Variants in NCALD observed in about 807,000 individuals in gnomAD.
NCALD encodes the protein neurocalcin delta, also known as neurocalcin-delta.
NCALD carries 10 observed loss-of-function variants against 18.6 expected under a neutral mutation model. The observed-to-expected ratio is 0.54, with a 90% CI of 0.33 to 0.91. NCALD has a LOEUF of 0.91. Ranked by LOEUF, NCALD falls within the 40% of genes least tolerant of loss-of-function variation. The pLI, the probability that NCALD is intolerant of heterozygous loss-of-function variation, is 0.03. For missense variants in NCALD, 184 were observed against 247.6 expected (o/e 0.74, Z 1.72); for synonymous variants, 88 against 87.4 (o/e 1.01, Z -0.04).
At chr8:101,959,826 T>C (rs945063233) in intron 2 of NCALD, among the ~76,000 whole-genome samples, 1 of 152,152 alleles carries the variant, frequency 6.6e-6, no homozygotes, top group Non-Finnish European at 1.5e-5. Context: ...CTAGGTGTGC[T>C]CATAGCGATG....
intron 1 of NCALD, among the ~76,000 whole-genome samples, chr8:101,772,797 GACA>G (rs112361156): frequency 3.3e-5 from 5 of 152,198 alleles, no homozygotes; most frequent in African/African-American, 9.6e-5. Flanking sequence ...TTGCTTCTGG[GACA>G]ACATTTGGTT....
intron 4 of NCALD, among the ~76,000 whole-genome samples, chr8:101,865,501 C>T (rs558049300): frequency 6.6e-6 from 1 of 152,188 alleles, no homozygotes; most frequent in Admixed American, 6.5e-5. Flanking sequence ...GTGTCAACTG[C>T]CTGCAGGAAA....
At chr8:102,086,890 T>C (rs1175182330) in intron 1 of NCALD, among the ~76,000 whole-genome samples, 1 of 152,164 alleles carries the variant, frequency 6.6e-6, no homozygotes, top group Non-Finnish European at 1.5e-5. Context: ...CAAACCAAGA[T>C]GGCAATGAGA....
At chr8:102,018,592 G>A (rs546456925) in intron 2 of NCALD, among the ~76,000 whole-genome samples, 1 of 152,304 alleles carries the variant, frequency 6.6e-6, no homozygotes, top group African/African-American at 2.4e-5. Context: ...GAGGTAGAGG[G>A]AGTAGATTTA....
intron 4 of NCALD, among the ~76,000 whole-genome samples, chr8:101,832,114 T>C (rs144768571): frequency 3.2e-4 from 49 of 152,314 alleles, no homozygotes; most frequent in Non-Finnish European, 6.3e-4. Flanking sequence ...GTGCTTCCTA[T>C]ATACCAGGCT....
chr8:102,006,438 C>T (rs1277797567), intron 2 of NCALD, among the ~76,000 whole-genome samples: 1 of 152,134 alleles, frequency 6.6e-6, no homozygotes, highest in Non-Finnish European at 1.5e-5. Context: ...TACTTTAAAA[C>T]AAATTCTGGT....
intron 1 of NCALD, among the ~76,000 whole-genome samples, chr8:102,044,947 CA>C (rs1823187264): frequency 6.6e-6 from 1 of 152,114 alleles, no homozygotes; most frequent in Non-Finnish European, 1.5e-5. Context: ...GGGAAGTGCA[CA>C]GTAGGTGCAT....
At chr8:102,072,998 T>C (rs920635104) in intron 1 of NCALD, among the ~76,000 whole-genome samples, 2 of 152,246 alleles carry the variant, frequency 1.3e-5, no homozygotes, top group Non-Finnish European at 2.9e-5. Context: ...CCTAGGAATG[T>C]ATCATGTACA....
At chr8:102,109,255 A>G (rs2132444577) in intron 1 of NCALD, among the ~76,000 whole-genome samples, 1 of 152,284 alleles carries the variant, frequency 6.6e-6, no homozygotes, top group African/African-American at 2.4e-5. Flanking sequence ...ATAGCTGAAA[A>G]AAATGTACAC....
At chr8:101,848,403 A>G (rs61534404) in intron 4 of NCALD, among the ~76,000 whole-genome samples, 7,746 of 152,230 alleles carry the variant, frequency 0.051, 477 homozygotes, top group African/African-American at 0.15. Flanking sequence ...GAGATTTAGG[A>G]GATCTAAGTT....
chr8:101,773,507 G>A (rs550499987), intron 1 of NCALD, among the ~76,000 whole-genome samples: 3 of 152,312 alleles, frequency 2.0e-5, no homozygotes, highest in Non-Finnish European at 4.4e-5. Context: ...GGGTGAAACT[G>A]TGGGGTCAGA....
intron 2 of NCALD, among the ~76,000 whole-genome samples, chr8:101,715,388 C>T (rs1488123259): frequency 6.6e-6 from 1 of 152,040 alleles, no homozygotes; most frequent in Non-Finnish European, 1.5e-5. Context: ...AGAAGAAAAC[C>T]TAGGCAATAC....
At chr8:102,050,642 AG>A (rs1823410644) in intron 1 of NCALD, among the ~76,000 whole-genome samples, 1 of 148,120 alleles carries the variant, frequency 6.8e-6, no homozygotes, top group African/African-American at 2.5e-5. Flanking sequence ...TACTTTATAT[AG>A]CATACATTAT....
At chr8:101,762,474 A>G (rs948903994) in intron 1 of NCALD, among the ~76,000 whole-genome samples, 1 of 152,208 alleles carries the variant, frequency 6.6e-6, no homozygotes, top group East Asian at 1.9e-4. Context: ...ATTTCAAAAC[A>G]AGGAGATTTT....
intron 4 of NCALD, among the ~76,000 whole-genome samples, chr8:101,840,841 A>G (rs187056611): frequency 1.3e-5 from 2 of 152,364 alleles, no homozygotes; most frequent in Admixed American, 1.3e-4. Context: ...AAACATCAAG[A>G]TAAGTGAATA....
At chr8:101,925,909 G>A (rs1157792723) in intron 2 of NCALD, among the ~76,000 whole-genome samples, 3 of 152,294 alleles carry the variant, frequency 2.0e-5, no homozygotes, top group Middle Eastern at 3.4e-3. Context: ...TGATAAGTAA[G>A]AAGCTGAAAA....
chr8:101,881,116 G>A (rs1220040651), intron 4 of NCALD, among the ~76,000 whole-genome samples: 1 of 151,848 alleles, frequency 6.6e-6, no homozygotes, highest in Non-Finnish European at 1.5e-5. Flanking sequence ...CAGTAAAAAG[G>A]AATTTCACTT....
intron 4 of NCALD, among the ~76,000 whole-genome samples, chr8:101,858,074 T>C (rs1815391108): frequency 6.6e-6 from 1 of 152,132 alleles, no homozygotes. Flanking sequence ...TATACAAACT[T>C]CATGTTAAAA....
intron 2 of NCALD, among the ~76,000 whole-genome samples, chr8:101,703,945 G>A (rs1313410081): frequency 2.0e-5 from 3 of 152,132 alleles, no homozygotes; most frequent in East Asian, 3.9e-4. Flanking sequence ...AAGGATTAGA[G>A]GAAAGACTGC....
Sources: gnomAD v4.1 joint callset for allele counts (sites outside exome capture counted in the v4.1 genomes callset) on GRCh38, gnomAD v4.1.1 for gene constraint, MANE v1.5 for transcripts, NCBI Gene and HGNC (gene_info 2026-07-23, HGNC 2026-07-21) for gene names.